OAS1: variants seen among roughly 807,000 people sequenced by gnomAD.
The protein encoded by OAS1 is 2'-5'-oligoadenylate synthase 1.
OAS1 carries 24 observed loss-of-function variants against 38.5 expected under a neutral mutation model. The observed-to-expected ratio is 0.62, with a 90% CI of 0.45 to 0.88. The LOEUF is 0.88. Ranked by LOEUF, OAS1 falls within the 40% of genes least tolerant of loss-of-function variation. OAS1 has a pLI of 0.00. For missense variants in OAS1, 482 were observed against 493.9 expected (o/e 0.98, Z 0.23); for synonymous variants, 169 against 193.9 (o/e 0.87, Z 1.07).
At chr12:112,933,186 C>G (rs576689163), downstream of OAS1, 3 of 152,212 alleles carry the variant, frequency 2.0e-5, no homozygotes, top group Admixed American at 6.5e-5. Flanking sequence ...CCATCTACTG[C>G]CACCTGATTA....
Position 112,911,202 on chromosome 12 carries a change from C to T in OAS1, c.621C>T (p.Ser207=), listed in dbSNP as rs2043374647. 1 of 1,613,710 alleles carries T rather than the reference C, an allele frequency of 6.2e-7. No individual in the cohort carries two copies. The highest frequency in any genetic ancestry group is 2.2e-5 in the East Asian group (1 of 44,854). The change falls in exon 3 of 6, where the codon AGC becomes AGT. Residue 207 remains serine (S), a synonymous_variant. Coordinates refer to ENST00000202917, the MANE Select transcript of OAS1 (RefSeq NM_016816.4). ...AGCAGCGCCCCACCAAGCTCAAGAG[C>T]CTCATCCGCCTAGTCAAGCACTGGT... The part of the protein sequence containing the change: ...FLKQRPTKLK[S]LIRLVKHWYQ...
At chr12:112,928,866 T>G (rs1347120841) in intron 6 of OAS1, among the ~76,000 whole-genome samples, 3 of 152,202 alleles carry the variant, frequency 2.0e-5, no homozygotes, top group African/African-American at 7.2e-5. Context: ...TTTACCACAC[T>G]GAGGTCTGGC....
At chr12:112,923,556 A>T (rs1178692990), downstream of OAS1, among the ~76,000 whole-genome samples, 1 of 152,188 alleles carries the variant, frequency 6.6e-6, no homozygotes, top group Non-Finnish European at 1.5e-5. Context: ...TTTTTAAATC[A>T]AGTTATTAAT....
In OAS1 at chr12:112,907,044, T is replaced by C. The variant is rs772480478; in HGVS notation, c.5T>C (p.Met2Thr). 1 of 1,614,248 alleles carries C rather than the reference T, an allele frequency of 6.2e-7. No homozygotes were observed. Among genetic ancestry groups the C allele is most frequent in the East Asian group, 2.2e-5 (1 of 44,890 alleles). The change falls in exon 1 of 6, where the codon ATG becomes ACG. Residue 2 changes from methionine to threonine, a missense_variant. Transcript: ENST00000202917. M[M>T]DLRNTPAKSL... Reference sequence around the variant, plus strand: ...TTGCCACTCTCTCTCCTGTCAATGATGGATCTCAGAAATACCCCAGCCAAA... The same window carrying C: ...TTGCCACTCTCTCTCCTGTCAATGACGGATCTCAGAAATACCCCAGCCAAA...
chr12:112,919,018 A>C (rs2043502660), intron 5 of OAS1: 1 of 282,292 alleles, frequency 3.5e-6, no homozygotes, highest in South Asian at 4.0e-5. Context: ...AGAAGTGAAC[A>C]GGGATGCAGA....
At chr12:112,931,861 C>T (rs888158574) in intron 6 of OAS1, 2 of 698,602 alleles carry the variant, frequency 2.9e-6, no homozygotes, top group Non-Finnish European at 5.2e-6. Flanking sequence ...GACACACACT[C>T]CTTTCTTCAT....
chr12:112,916,476 C>T (rs370827885), intron 3 of OAS1, 33 bp from the exon 4 acceptor site: 2 of 1,588,564 alleles, frequency 1.3e-6, no homozygotes, highest in Non-Finnish European at 1.7e-6. Context: ...TTGAGCAAAC[C>T]AATTTTTTTC....
intron 6 of OAS1, among the ~76,000 whole-genome samples, chr12:112,931,291 G>A (rs1262927404): frequency 6.6e-6 from 1 of 152,190 alleles, no homozygotes; most frequent in Non-Finnish European, 1.5e-5. Context: ...TGAGGTGGAG[G>A]AGCATGATGG....
At chr12:112,931,462 A>G (rs1342077529) in intron 6 of OAS1, among the ~76,000 whole-genome samples, 1 of 152,230 alleles carries the variant, frequency 6.6e-6, no homozygotes, top group African/African-American at 2.4e-5. Flanking sequence ...TCTATCTCAT[A>G]GGATTTGTAC....
In OAS1 at chr12:112,907,077, AC is replaced by A. The variant is rs2043304536; in HGVS notation, c.39del (p.Asp13GlufsTer29). On this transcript the variant is annotated frameshift_variant, in exon 1 of 6. Transcript: ENST00000202917. LOFTEE classifies it high-confidence loss of function. The stretch of plus-strand genomic sequence containing the variant: ...AGAAATACCCCAGCCAAATCTCTGG[AC>A]AAGTTCATTGAAGACTATCTCTTGC... ...DLRNTPAKSLDKFIEDYLLPD... is the reference protein window; with the variant it reads ...DLRNTPAKSLXKFIEDYLLPD... 6.2e-7 allele frequency: 1 copy of A among 1,614,230 alleles called. No individual in the cohort carries two copies. Among genetic ancestry groups the A allele is most frequent in the Non-Finnish European group, 8.5e-7 (1 of 1,180,040 alleles).
chr12:112,910,040 G>A (rs1326543967), intron 2 of OAS1, among the ~76,000 whole-genome samples: 3 of 152,152 alleles, frequency 2.0e-5, no homozygotes, highest in African/African-American at 7.2e-5. Flanking sequence ...GCCATCTCCT[G>A]TGTTGGGGGC....
At chr12:112,917,416 C>T (rs1212364435) in intron 4 of OAS1, 131 bp from the exon 5 acceptor site, 2 of 1,219,774 alleles carry the variant, frequency 1.6e-6, no homozygotes, top group East Asian at 4.7e-5. Context: ...GGGACATACC[C>T]CAGGGAGCCC....
Position 112,916,990 on chromosome 12 carries a change from C to T in OAS1, c.884+252C>T, listed in dbSNP as rs960328897. 1.1e-5 allele frequency: 5 copies of T among 467,722 alleles called. No homozygotes were observed. The South Asian group carries it at 1.1e-4, about 11-fold the overall frequency. 29.0% of individuals were successfully genotyped at this position (467,722 alleles called of 1,614,324 possible). The stretch of plus-strand genomic sequence containing the variant: ...TCTGAGAGGTAAGGAGCTTGTCCAA[C>T]CCTTAACAGAAAATGAGTAAAATAG... On this transcript the variant is annotated intron_variant, in intron 4 of 5. Transcript: ENST00000202917.
chr12:112,920,496 C>T (rs1287843510), downstream of OAS1, among the ~76,000 whole-genome samples: 1 of 152,110 alleles, frequency 6.6e-6, no homozygotes, highest in African/African-American at 2.4e-5. Flanking sequence ...TCTTTCTTTT[C>T]CCTTTTTAAT....
At chr12:112,911,328 A>T in intron 3 of OAS1, 93 bp downstream of exon 3, 5 of 863,400 alleles carry the variant, frequency 5.8e-6, no homozygotes, top group Non-Finnish European at 8.4e-6. Context: ...TGAAGGGAAG[A>T]GGAGGGGGAG....
intron 6 of OAS1, among the ~76,000 whole-genome samples, chr12:112,929,577 G>C (rs1272870868): frequency 6.6e-6 from 1 of 152,216 alleles, no homozygotes; most frequent in African/African-American, 2.4e-5. Flanking sequence ...GTCAGGTGCT[G>C]TCCCAAACAC....
chr12:112,933,138 C>G (rs1008812228), downstream of OAS1: 4 of 152,188 alleles, frequency 2.6e-5, no homozygotes, highest in African/African-American at 7.2e-5. Context: ...GTCAACTGAT[C>G]CCCCCTTGAA....
downstream of OAS1, among the ~76,000 whole-genome samples, chr12:112,921,314 T>A (rs111595585): frequency 2.2e-3 from 329 of 152,322 alleles, 2 homozygotes; most frequent in African/African-American, 7.7e-3. Context: ...GATAGGCAAG[T>A]GTGGACATCC....
downstream of OAS1, among the ~76,000 whole-genome samples, chr12:112,924,510 C>G (rs1362982434): frequency 6.6e-6 from 1 of 151,714 alleles, no homozygotes; most frequent in Non-Finnish European, 1.5e-5. Context: ...GATCCATGAA[C>G]TTGGAGTTTC....
Sources: gnomAD v4.1 joint callset for allele counts (sites outside exome capture counted in the v4.1 genomes callset) on GRCh38, gnomAD v4.1.1 for gene constraint, MANE v1.5 for transcripts, NCBI Gene and HGNC (gene_info 2026-07-23, HGNC 2026-07-21) for gene names.